The following KCNN2 variants were observed in gnomAD, a reference collection of about 807,000 sequenced individuals.
KCNN2 encodes the protein potassium calcium-activated channel subfamily N member 2, also known as small conductance calcium-activated potassium channel protein 2.
In KCNN2, 24 loss-of-function variants were observed where a neutral mutation model predicts 55.5. The observed-to-expected ratio is 0.43, with a 90% CI of 0.31 to 0.61. KCNN2 has a LOEUF of 0.61. Ranked by LOEUF, KCNN2 falls within the 20% of genes least tolerant of loss-of-function variation. The pLI is 0.08. For missense variants in KCNN2, 754 were observed against 853.6 expected (o/e 0.88, Z 1.45); for synonymous variants, 431 against 336.1 (o/e 1.28, Z -3.09).
At chr5:114,128,042 C>T (rs1337649002) in intron 1 of KCNN2, among the ~76,000 whole-genome samples, 1 of 152,160 alleles carries the variant, frequency 6.6e-6, no homozygotes, top group Non-Finnish European at 1.5e-5. Context: ...CAAACTGTCC[C>T]ACATCTTCCT....
At chr5:114,253,380 C>G (rs1272766641) in intron 2 of KCNN2, 1 of 152,084 alleles carries the variant, frequency 6.6e-6, no homozygotes, top group Non-Finnish European at 1.5e-5. Flanking sequence ...TAGACAGAAG[C>G]AGAGAAAAGT....
intron 1 of KCNN2, among the ~76,000 whole-genome samples, chr5:114,105,449 C>T (rs1751465373): frequency 6.6e-6 from 1 of 151,922 alleles, no homozygotes; most frequent in Non-Finnish European, 1.5e-5. Flanking sequence ...TGTTAGTAGT[C>T]AATACAAGTC....
chr5:114,434,939 G>C lies in KCNN2; in HGVS notation c.1638-28110G>C, dbSNP rs200682086. Among the ~76,000 whole-genome samples the C allele has an allele frequency of 1.3e-5, 2 of 152,102 alleles. 1 individual carries two copies. Among genetic ancestry groups the C allele is most frequent in the East Asian group, 3.9e-4 (2 of 5,192 alleles). Reference sequence around the variant, plus strand: ...AGTCTGGTAAAATAATTTCCTATGAGGGCAAGCTATTGTTAAGAACAAAAT... The same window carrying C: ...AGTCTGGTAAAATAATTTCCTATGACGGCAAGCTATTGTTAAGAACAAAAT... On this transcript the variant is annotated intron_variant, in intron 3 of 7. Transcript: ENST00000673685.
intron 4 of KCNN2, among the ~76,000 whole-genome samples, chr5:114,468,889 G>T (rs1332767934): frequency 6.6e-6 from 1 of 152,050 alleles, no homozygotes; most frequent in Non-Finnish European, 1.5e-5. Context: ...GGAAGTATTT[G>T]CAGGATCAGC....
intron 2 of KCNN2, among the ~76,000 whole-genome samples, chr5:114,245,061 A>G (rs1022283614): frequency 3.9e-5 from 6 of 152,244 alleles, no homozygotes; most frequent in African/African-American, 1.4e-4. Context: ...ATTGTCAATT[A>G]AAGTGTTTAG....
intron 1 of KCNN2, among the ~76,000 whole-genome samples, chr5:114,087,214 C>G (rs1024752785): frequency 6.6e-6 from 1 of 151,854 alleles, no homozygotes; most frequent in Non-Finnish European, 1.5e-5. Flanking sequence ...ATTTTCTCTC[C>G]CATTCTGTAG....
chr5:114,155,030 C>G (rs1752601186), intron 1 of KCNN2, among the ~76,000 whole-genome samples: 1 of 151,968 alleles, frequency 6.6e-6, no homozygotes, highest in Admixed American at 6.6e-5. Flanking sequence ...TGATCTGCTC[C>G]CTCCTCACAC....
chr5:114,132,559 T>A (rs1752093357), intron 1 of KCNN2, among the ~76,000 whole-genome samples: 1 of 152,192 alleles, frequency 6.6e-6, no homozygotes, highest in South Asian at 2.1e-4. Flanking sequence ...ATTAAGGAAG[T>A]AGTTTTGGAT....
intron 1 of KCNN2, among the ~76,000 whole-genome samples, chr5:114,147,280 C>T (rs537172020): frequency 8.3e-6 from 1 of 120,664 alleles, no homozygotes; most frequent in African/African-American, 3.1e-5. Flanking sequence ...TCAATAGTGC[C>T]AGTGAAGTCA....
At chr5:114,400,334 T>C (rs1317037787) in intron 2 of KCNN2, among the ~76,000 whole-genome samples, 1 of 152,188 alleles carries the variant, frequency 6.6e-6, no homozygotes, top group Non-Finnish European at 1.5e-5. Context: ...TCCAGTGCAC[T>C]CATTGTCTCC....
At chr5:114,356,880 T>C (rs1757302911) in intron 2 of KCNN2, among the ~76,000 whole-genome samples, 1 of 152,108 alleles carries the variant, frequency 6.6e-6, no homozygotes, top group African/African-American at 2.4e-5. Flanking sequence ...TCCAGAAACA[T>C]GGAATTATTA....
chr5:114,418,652 T>C (rs906646370), intron 3 of KCNN2, among the ~76,000 whole-genome samples: 2 of 152,144 alleles, frequency 1.3e-5, no homozygotes, highest in African/African-American at 4.8e-5. Flanking sequence ...GCTCCAAAGT[T>C]TTTGTGACTA....
intron 3 of KCNN2, among the ~76,000 whole-genome samples, chr5:114,443,426 ACATAATGTT>A (rs1760290892): frequency 6.6e-6 from 1 of 152,252 alleles, no homozygotes; most frequent in Non-Finnish European, 1.5e-5. Flanking sequence ...GCATTTGGTC[ACATAATGTT>A]CATTGTTCTC....
chr5:114,084,310 T>G (rs1010019357), intron 1 of KCNN2, among the ~76,000 whole-genome samples: 6 of 152,060 alleles, frequency 3.9e-5, no homozygotes, highest in African/African-American at 1.4e-4. Context: ...AATGAAGTTC[T>G]CATTGCTACA....
At chr5:114,385,825 G>GTT (rs376873236) in intron 2 of KCNN2, among the ~76,000 whole-genome samples, 1 of 147,426 alleles carries the variant, frequency 6.8e-6, no homozygotes. Context: ...AATTGTTCAG[G>GTT]TTTTTTTTTT....
chr5:114,464,360 T>TGTC (rs1443790174), intron 4 of KCNN2, among the ~76,000 whole-genome samples: 1 of 152,244 alleles, frequency 6.6e-6, no homozygotes, highest in East Asian at 1.9e-4. Context: ...GTGTGGTTTC[T>TGTC]GTCTACATGA....
At chr5:114,107,199 TCATA>T (rs1751505452) in intron 1 of KCNN2, among the ~76,000 whole-genome samples, 1 of 152,122 alleles carries the variant, frequency 6.6e-6, no homozygotes, top group Non-Finnish European at 1.5e-5. Flanking sequence ...AAGTAGGTAA[TCATA>T]CATGTTTGAG....
intron 1 of KCNN2, among the ~76,000 whole-genome samples, chr5:114,083,540 A>G (rs1414221430): frequency 6.6e-6 from 1 of 152,004 alleles, no homozygotes; most frequent in Non-Finnish European, 1.5e-5. Context: ...AATTAAGACT[A>G]TTTTGGAAAA....
At chr5:114,361,635 T>C (rs2150044276), upstream of KCNN2, among the ~76,000 whole-genome samples, 1 of 89,278 alleles carries the variant, frequency 1.1e-5, no homozygotes, top group South Asian at 5.3e-4. Flanking sequence ...TTCCACACCG[T>C]CCCTGAGCCT....
Sources: allele counts gnomAD v4.1 joint callset (sites outside exome capture counted in the v4.1 genomes callset), GRCh38; gene constraint gnomAD v4.1.1; transcripts MANE v1.5; gene names NCBI Gene and HGNC (gene_info 2026-07-23, HGNC 2026-07-21).